Variants in STXBP6 observed in about 807,000 individuals in gnomAD.
STXBP6 encodes syntaxin binding protein 6, also known as syntaxin-binding protein 6.
In STXBP6, 21 loss-of-function variants were observed where a neutral mutation model predicts 26.9. The ratio of observed to expected loss-of-function variants is 0.78; its 90% CI spans 0.55 to 1.12. STXBP6 has a LOEUF of 1.12. Among genes scored for constraint, STXBP6 ranks in the 50% most tolerant of loss-of-function variants. The pLI is 0.00. For synonymous variants in STXBP6, 97 were observed against 92.6 expected (o/e 1.05, Z -0.27); for missense variants, 232 against 257.9 (o/e 0.90, Z 0.69).
chr14:24,896,041 A>G lies in STXBP6; in HGVS notation c.155-38884T>C, dbSNP rs185917839. 6.6e-5 allele frequency among the ~76,000 whole-genome samples: 10 copies of G among 152,296 alleles called. No homozygotes were observed. The East Asian group carries it at 1.9e-3, about 29-fold the overall frequency. ...CTTTGGAGGGGCTGGAGTACGGGCT[A>G]CAAGAAGGATCTCTCCAAGCTCAGA... On this transcript the variant is annotated intron_variant, in intron 2 of 5. Coordinates refer to ENST00000323944, the MANE Select transcript of STXBP6 (RefSeq NM_001394410.1).
At chr14:24,844,561 C>A (rs1331447102) in intron 4 of STXBP6, among the ~76,000 whole-genome samples, 1 of 152,124 alleles carries the variant, frequency 6.6e-6, no homozygotes, top group East Asian at 1.9e-4. Context: ...CCAATTGATG[C>A]TCCAGAGAAT....
intron 2 of STXBP6, among the ~76,000 whole-genome samples, chr14:24,943,752 G>C (rs1175433756): frequency 6.6e-6 from 1 of 152,154 alleles, no homozygotes; most frequent in Non-Finnish European, 1.5e-5. Context: ...ATATGTTTCA[G>C]TGGTTAGAAT....
intron 4 of STXBP6, among the ~76,000 whole-genome samples, chr14:24,849,633 A>G (rs2069078726): frequency 6.6e-6 from 1 of 152,108 alleles, no homozygotes; most frequent in Admixed American, 6.6e-5. Context: ...TATTTTCCCA[A>G]GGGCAACAAA....
At chr14:24,911,402 G>C (rs1414752612) in intron 2 of STXBP6, among the ~76,000 whole-genome samples, 1 of 151,234 alleles carries the variant, frequency 6.6e-6, no homozygotes, top group Non-Finnish European at 1.5e-5. Flanking sequence ...AGAAAGGAAA[G>C]AAAGGAAAGG....
chr14:24,960,372 T>C (rs1485723307), intron 2 of STXBP6, among the ~76,000 whole-genome samples: 1 of 152,188 alleles, frequency 6.6e-6, no homozygotes, highest in East Asian at 1.9e-4. Flanking sequence ...TATGCCTCCC[T>C]TCAATAAAAA....
intron 4 of STXBP6, among the ~76,000 whole-genome samples, chr14:24,832,239 T>C (rs1164176039): frequency 6.6e-6 from 1 of 152,164 alleles, no homozygotes; most frequent in Admixed American, 6.5e-5. Flanking sequence ...GTTTGGGTCA[T>C]TATTGCTTTA....
chr14:24,959,923 A>T (rs2073473284), intron 2 of STXBP6, among the ~76,000 whole-genome samples: 1 of 152,254 alleles, frequency 6.6e-6, no homozygotes, highest in Non-Finnish European at 1.5e-5. Flanking sequence ...ACCTCATAAC[A>T]GTGTACTAAA....
intron 1 of STXBP6, among the ~76,000 whole-genome samples, chr14:24,977,384 TA>T (rs973375771): frequency 2.7e-4 from 41 of 152,174 alleles, no homozygotes; most frequent in Non-Finnish European, 5.3e-4. Context: ...AATGACCTTT[TA>T]TTTTTTTTTT....
intron 1 of STXBP6, among the ~76,000 whole-genome samples, chr14:25,030,378 T>A (rs989702272): frequency 2.0e-4 from 31 of 152,174 alleles, no homozygotes; most frequent in African/African-American, 7.2e-4. Flanking sequence ...GCCTGGCCAC[T>A]TCCTTCCCAG....
chr14:24,975,553 A>G lies in STXBP6; in HGVS notation c.-32-703T>C, dbSNP rs561039083. Among the ~76,000 whole-genome samples, 6 of 152,254 alleles carry G rather than the reference A, an allele frequency of 3.9e-5. No homozygotes were observed. The East Asian group carries it at 1.2e-3, about 29-fold the overall frequency. The stretch of plus-strand genomic sequence containing the variant: ...AAAATGGATACATAATTCTAAAAAC[A>G]TATCTGACTAATGCTAAGTATTTTG... On this transcript the variant is annotated intron_variant, in intron 1 of 5. Coordinates refer to ENST00000323944, the MANE Select transcript of STXBP6 (RefSeq NM_001394410.1).
chr14:25,034,544 C>G (rs1420940777), intron 1 of STXBP6, among the ~76,000 whole-genome samples: 1 of 152,134 alleles, frequency 6.6e-6, no homozygotes, highest in African/African-American at 2.4e-5. Context: ...ACCCTCTAGT[C>G]ACGCACTGCC....
At chr14:24,952,696 A>C (rs536085917) in intron 2 of STXBP6, among the ~76,000 whole-genome samples, 2 of 152,320 alleles carry the variant, frequency 1.3e-5, no homozygotes, top group Non-Finnish European at 2.9e-5. Flanking sequence ...ATAGCACAGT[A>C]GGTAGCACAG....
In STXBP6 at chr14:25,049,463, G is replaced by A; in HGVS notation, c.-33+415C>T. On this transcript the variant is annotated intron_variant, in intron 1 of 5. Transcript: ENST00000323944. This position sits in a 1 kb window ranked among gnomAD's most constrained non-coding sequence, Gnocchi z 5.6. ...GCGGATTTCTGCGCTCAAGCTAGAG[G>A]CGCAGCGACCCCGAGCTCCCCCACA... 2.0e-6 allele frequency: 2 copies of A among 985,324 alleles called. No homozygotes were observed. The highest frequency in any genetic ancestry group is 2.4e-6 in the Non-Finnish European group (2 of 829,894). The allele number at this position is 985,324 out of a possible 1,614,324, so 61.0% of individuals were successfully genotyped here.
intron 1 of STXBP6, among the ~76,000 whole-genome samples, chr14:24,989,122 C>T (rs2074403496): frequency 6.6e-6 from 1 of 152,152 alleles, no homozygotes; most frequent in South Asian, 2.1e-4. Flanking sequence ...GCTCGCACCC[C>T]CCACCATCTC....
chr14:24,948,163 A>C (rs1000886420), intron 2 of STXBP6, among the ~76,000 whole-genome samples: 1 of 152,170 alleles, frequency 6.6e-6, no homozygotes, highest in African/African-American at 2.4e-5. Flanking sequence ...AGGGACTTGC[A>C]CTTTGAAATA....
intron 2 of STXBP6, among the ~76,000 whole-genome samples, chr14:24,958,944 A>G (rs2073432088): frequency 6.6e-6 from 1 of 152,202 alleles, no homozygotes; most frequent in Non-Finnish European, 1.5e-5. Context: ...CAGACACATA[A>G]GGAAATAAGT....
chr14:24,841,129 T>C (rs2068771419), intron 4 of STXBP6, among the ~76,000 whole-genome samples: 1 of 152,178 alleles, frequency 6.6e-6, no homozygotes, highest in African/African-American at 2.4e-5. Context: ...ATTTAATACT[T>C]CTATCAGCAA....
chr14:24,838,309 C>T (rs1261826627), intron 4 of STXBP6, among the ~76,000 whole-genome samples: 1 of 152,156 alleles, frequency 6.6e-6, no homozygotes, highest in African/African-American at 2.4e-5. Flanking sequence ...CTATGCCCAG[C>T]AAGCTTCACT....
intron 2 of STXBP6, among the ~76,000 whole-genome samples, chr14:24,938,008 G>A (rs1014536573): frequency 6.6e-6 from 1 of 152,118 alleles, no homozygotes; most frequent in African/African-American, 2.4e-5. Context: ...AATCATATAC[G>A]AGCAATCTGC....
Sources: allele counts gnomAD v4.1 joint callset (sites outside exome capture counted in the v4.1 genomes callset), GRCh38; gene constraint gnomAD v4.1.1; non-coding constraint Gnocchi (gnomAD v3.1); transcripts MANE v1.5; gene names NCBI Gene and HGNC (gene_info 2026-07-23, HGNC 2026-07-21).